Variants in SLMAP observed in about 807,000 individuals in gnomAD.
The protein encoded by SLMAP is sarcolemma associated protein, also known as sarcolemmal membrane-associated protein.
SLMAP carries 44 observed loss-of-function variants against 128.8 expected under a neutral mutation model. The ratio of observed to expected loss-of-function variants is 0.34; its 90% CI spans 0.27 to 0.44. The LOEUF (loss-of-function observed/expected upper bound fraction) is 0.44, where lower values mean the gene tolerates loss of function less well. Ranked by LOEUF, SLMAP falls within the 20% of genes least tolerant of loss-of-function variation. SLMAP has a pLI of 1.00. For synonymous variants in SLMAP, 327 were observed against 348.8 expected (o/e 0.94, Z 0.70); for missense variants, 787 against 985.3 (o/e 0.80, Z 2.69).
intron 14 of SLMAP, among the ~76,000 whole-genome samples, chr3:57,876,766 C>T (rs994316494): frequency 1.3e-5 from 2 of 152,178 alleles, no homozygotes; most frequent in Non-Finnish European, 1.5e-5. Context: ...TTAACTTGTA[C>T]GCGTGGTGGA....
At chr3:57,922,433 T>TC (rs1178668032) in intron 22 of SLMAP, among the ~76,000 whole-genome samples, 2 of 149,820 alleles carry the variant, frequency 1.3e-5, no homozygotes, top group African/African-American at 4.9e-5. Context: ...TTCTTTTTTT[T>TC]TTTTTTTTTT....
chr3:57,782,752 C>T (rs1347948168), intron 2 of SLMAP, among the ~76,000 whole-genome samples: 2 of 152,216 alleles, frequency 1.3e-5, no homozygotes, highest in African/African-American at 4.8e-5. Context: ...GGATTATAGG[C>T]ATGAGCCACT....
intron 14 of SLMAP, 122 bp downstream of exon 14, chr3:57,871,820 T>A (rs2095486100): frequency 1.5e-6 from 1 of 685,190 alleles, no homozygotes; most frequent in Admixed American, 2.7e-5. Context: ...GGGGCATCTT[T>A]AGACAGCAGC....
At chr3:57,769,456 G>A (rs1197910153) in intron 2 of SLMAP, among the ~76,000 whole-genome samples, 2 of 152,028 alleles carry the variant, frequency 1.3e-5, no homozygotes, top group Admixed American at 6.6e-5. Flanking sequence ...GCCTCCCAAA[G>A]TGCTGGGATT....
chr3:57,862,107 A>C (rs1359307193), intron 10 of SLMAP, 21 bp downstream of exon 10: 7 of 1,535,652 alleles, frequency 4.6e-6, no homozygotes, highest in Admixed American at 1.7e-5. Context: ...ACTCTGCCTG[A>C]AAGTATGTTA....
chr3:57,857,974 A>T (rs1382133926), intron 7 of SLMAP, 114 bp from the exon 8 acceptor site: 2 of 915,680 alleles, frequency 2.2e-6, no homozygotes, highest in African/African-American at 3.3e-5. Context: ...TTTACAGTGG[A>T]TGCTGGTCAG....
At chr3:57,924,365 T>TTCTTTTTTC (rs1175730065) in intron 23 of SLMAP, among the ~76,000 whole-genome samples, 1 of 152,056 alleles carries the variant, frequency 6.6e-6, no homozygotes, top group Non-Finnish European at 1.5e-5. Flanking sequence ...CCTTTTTTTT[T>TTCTTTTTTC]TCTTTTTTCT....
At chr3:57,764,608 A>G (rs1336605860) in intron 2 of SLMAP, among the ~76,000 whole-genome samples, 3 of 152,154 alleles carry the variant, frequency 2.0e-5, no homozygotes, top group African/African-American at 7.2e-5. Context: ...CTTAAATAAC[A>G]CTTTTGTACT....
intron 19 of SLMAP, 120 bp from the exon 20 acceptor site, chr3:57,912,261 T>C (rs1420904311): frequency 2.5e-6 from 2 of 796,666 alleles, no homozygotes; most frequent in Non-Finnish European, 4.0e-6. Flanking sequence ...ACGTGGATTG[T>C]TTATACACTT....
chr3:57,782,131 AT>A (rs1559965721), intron 2 of SLMAP, among the ~76,000 whole-genome samples: 2 of 152,166 alleles, frequency 1.3e-5, no homozygotes, highest in African/African-American at 2.4e-5. Flanking sequence ...GGATATTTCC[AT>A]TTCTTGAGAT....
chr3:57,817,379 A>G (rs2091984203), intron 2 of SLMAP, among the ~76,000 whole-genome samples: 3 of 152,174 alleles, frequency 2.0e-5, no homozygotes, highest in Admixed American at 6.5e-5. Context: ...AATCCATTCT[A>G]TTATTAGTGG....
chr3:57,792,066 C>G (rs1336296550), intron 2 of SLMAP, among the ~76,000 whole-genome samples: 1 of 152,022 alleles, frequency 6.6e-6, no homozygotes, highest in East Asian at 1.9e-4. Flanking sequence ...GTGAATTAAG[C>G]TAACTAGTGA....
intron 2 of SLMAP, among the ~76,000 whole-genome samples, chr3:57,828,399 G>A (rs1475106239): frequency 2.0e-5 from 3 of 152,098 alleles, no homozygotes; most frequent in Non-Finnish European, 4.4e-5. Flanking sequence ...TTTCAAAACA[G>A]CCAAGGGCAA....
chr3:57,848,198 T>C (rs1402737008), intron 5 of SLMAP, among the ~76,000 whole-genome samples: 1 of 150,692 alleles, frequency 6.6e-6, no homozygotes, highest in Non-Finnish European at 1.5e-5. Context: ...CCTCCTCCTC[T>C]TCTTTTCTTT....
chr3:57,854,033 ATG>A (rs199933651), intron 6 of SLMAP, among the ~76,000 whole-genome samples: 15,287 of 100,742 alleles, frequency 0.15, 1,626 homozygotes, highest in East Asian at 0.44. Flanking sequence ...ATAATATATA[ATG>A]TGTATATATA....
chr3:57,848,626 TTCTTCC>T (rs1388327645), intron 5 of SLMAP, among the ~76,000 whole-genome samples: 1 of 149,110 alleles, frequency 6.7e-6, no homozygotes, highest in Non-Finnish European at 1.5e-5. Context: ...CTTTTTCTTC[TTCTTCC>T]TCTTCCTTTT....
At chr3:57,926,162 A>G (rs2097004487) in intron 24 of SLMAP, 5 of 516,024 alleles carry the variant, frequency 9.7e-6, no homozygotes, top group Non-Finnish European at 1.7e-5. Context: ...GTTAATTCCA[A>G]CCTAACCAGT....
At chr3:57,778,567 T>C (rs1344114382) in intron 2 of SLMAP, among the ~76,000 whole-genome samples, 2 of 149,140 alleles carry the variant, frequency 1.3e-5, no homozygotes, top group Admixed American at 6.8e-5. Context: ...CTTTTCTTTC[T>C]TTCTTTTTTT....
rs35541333 is a variant in SLMAP, at chr3:57,885,771, C to CTTT, written c.1301-4242_1301-4240dup. On this transcript the variant is annotated intron_variant, in intron 14 of 24. Coordinates refer to ENST00000671191, the MANE Select transcript of SLMAP (RefSeq NM_001377540.1). ...TTGTTTTGCTTTTCGGTTTTTGGTTCTTTTTTTTTTTTTTTTTTTTTTTTT... is the reference window on the plus strand; with the variant it reads ...TTGTTTTGCTTTTCGGTTTTTGGTTCTTTTTTTTTTTTTTTTTTTTTTTTTTTT... Among the ~76,000 whole-genome samples, 68 of 53,586 alleles carry CTTT rather than the reference C, an allele frequency of 1.3e-3. 7 individuals are homozygous for CTTT. The highest frequency in any genetic ancestry group is 1.7e-3 in the Non-Finnish European group (51 of 30,200). The allele number at this position is 53,586 out of a possible 152,430, so 35.2% of individuals were successfully genotyped here. A position where few individuals can be genotyped will look rare whatever the true frequency, so the allele number is the denominator to read the frequency against.
Sources: allele counts gnomAD v4.1 joint callset (sites outside exome capture counted in the v4.1 genomes callset), GRCh38; gene constraint gnomAD v4.1.1; transcripts MANE v1.5; gene names NCBI Gene and HGNC (gene_info 2026-07-23, HGNC 2026-07-21).